The following ZCCHC14 variants were observed in gnomAD, a reference collection of about 807,000 sequenced individuals.
ZCCHC14 encodes zinc finger CCHC-type containing 14.
ZCCHC14 carries 16 observed loss-of-function variants against 85.0 expected under a neutral mutation model. The observed-to-expected ratio is 0.19, with a 90% CI of 0.13 to 0.29. ZCCHC14 has a LOEUF of 0.29. Ranked by LOEUF, ZCCHC14 falls within the 10% of genes least tolerant of loss-of-function variation. The probability of loss-of-function intolerance (pLI) is 1.00; values close to 1 mark genes in which losing one functional copy is unlikely to be tolerated. For missense variants in ZCCHC14, 1,303 were observed against 1,443.5 expected (o/e 0.90, Z 1.58); for synonymous variants, 775 against 630.7 (o/e 1.23, Z -3.43).
intron 2 of ZCCHC14, among the ~76,000 whole-genome samples, chr16:87,443,475 C>A (rs1567525087): frequency 6.6e-6 from 1 of 152,190 alleles, no homozygotes. Context: ...GGGGCTCACA[C>A]CTGTAATCCC....
rs1159400928 is a variant in ZCCHC14, at chr16:87,434,884, G to C, written c.695-1683C>G. ...CGGACACCTGTAATCCCAGCTACTC[G>C]GGAGGCTGAGGCAGGAGAATTGCTT... is the stretch of plus-strand genomic sequence containing the variant. On this transcript the variant is annotated intron_variant, in intron 2 of 12. Coordinates refer to ENST00000671377, the MANE Select transcript of ZCCHC14 (RefSeq NM_015144.3). Among the ~76,000 whole-genome samples, 9 of 151,072 alleles carry C rather than the reference G, an allele frequency of 6.0e-5. No homozygotes were observed. The East Asian group carries it at 1.4e-3, about 23-fold the overall frequency.
intron 1 of ZCCHC14, among the ~76,000 whole-genome samples, chr16:87,475,004 G>A (rs1357402150): frequency 6.6e-6 from 1 of 152,208 alleles, no homozygotes; most frequent in African/African-American, 2.4e-5. Context: ...ACGAAGTCCA[G>A]AGTTTCTACA....
chr16:87,432,363 G>C (rs537232634), intron 3 of ZCCHC14, among the ~76,000 whole-genome samples: 1 of 152,220 alleles, frequency 6.6e-6, no homozygotes, highest in African/African-American at 2.4e-5. Context: ...TAAGTGAAGT[G>C]TCTAGAGGCT....
rs368314545 is a variant in ZCCHC14 at position 87,423,855 on chromosome 16, T to C, written c.795A>G (p.Thr265=). Residue 265 remains threonine (T), a synonymous_variant, in exon 4 of 13, where the codon ACA becomes ACG. Transcript: ENST00000671377. ...CTTCAGAGGAAGATTTGGTTACTGA[T>C]GTTATTGAAGAATCAGACCACAAGA... ...FEVLWSDSSI[T]SVTKSSSEVT... is the part of the protein sequence containing the mutation. 9.3e-6 allele frequency: 15 copies of C among 1,614,170 alleles called. No homozygotes were observed. The highest frequency in any genetic ancestry group is 8.8e-5 in the South Asian group (8 of 91,074).
chr16:87,440,313 C>T (rs1379983596), intron 2 of ZCCHC14, among the ~76,000 whole-genome samples: 1 of 151,996 alleles, frequency 6.6e-6, no homozygotes, highest in Non-Finnish European at 1.5e-5. Context: ...TACAGGCGCA[C>T]ACCACCACGC....
chr16:87,447,664 C>G (rs577612487), intron 2 of ZCCHC14, among the ~76,000 whole-genome samples: 23 of 152,316 alleles, frequency 1.5e-4, no homozygotes, highest in African/African-American at 5.3e-4. Flanking sequence ...CTGCTATAAG[C>G]CTTCATCTCC....
rs1275282188 is a variant in ZCCHC14 at position 87,408,742 on chromosome 16, A to G, written c.*1538T>C. ...AAGTTAGGAACTGCTCTTCAAATTG[A>G]ACGCTCACATCACAAGGCCTCATTC... On this transcript the variant is annotated 3_prime_UTR_variant, in exon 13 of 13. Coordinates refer to ENST00000671377, the MANE Select transcript of ZCCHC14 (RefSeq NM_015144.3). 2 of 152,418 alleles carry G rather than the reference A, an allele frequency of 1.3e-5. No individual in the cohort carries two copies. The highest frequency in any genetic ancestry group is 2.9e-5 in the Non-Finnish European group (2 of 68,028). 9.4% of individuals were successfully genotyped at this position (152,418 alleles called of 1,614,324 possible).
At chr16:87,443,566 T>C (rs1055793693) in intron 2 of ZCCHC14, among the ~76,000 whole-genome samples, 3 of 151,842 alleles carry the variant, frequency 2.0e-5, no homozygotes, top group Non-Finnish European at 4.4e-5. Flanking sequence ...CGAGACCCCA[T>C]TTCTACTAAA....
chr16:87,464,388 C>A (rs568077824), intron 1 of ZCCHC14, among the ~76,000 whole-genome samples: 1 of 152,188 alleles, frequency 6.6e-6, no homozygotes, highest in East Asian at 1.9e-4. Context: ...TGCAGCTAGG[C>A]TAAGAACCAA....
In ZCCHC14 at chr16:87,491,533, T is replaced by C. The variant is rs1286814794; in HGVS notation, c.570+136A>G. ...ACGGGCTGGGGGCTCGTGGTGCAGGTTGGAGACCTGGGTGGGAGCTCTCAG... is the reference window on the plus strand; with the variant it reads ...ACGGGCTGGGGGCTCGTGGTGCAGGCTGGAGACCTGGGTGGGAGCTCTCAG... On this transcript the variant is annotated intron_variant, in intron 1 of 12. Transcript: ENST00000671377. The surrounding 1 kb of genome is among the most constrained non-coding windows in gnomAD (Gnocchi z 5.9). 11 of 730,322 alleles carry C rather than the reference T, an allele frequency of 1.5e-5. No individual in the cohort carries two copies. Among genetic ancestry groups the C allele is most frequent in the Admixed American group, 9.1e-5 (2 of 21,894 alleles). The allele number at this position is 730,322 out of a possible 1,614,324, so 45.2% of individuals were successfully genotyped here.
In ZCCHC14 at chr16:87,420,741, A is replaced by G; in HGVS notation, c.841-25T>C. 6.3e-7 allele frequency: 1 copy of G among 1,588,314 alleles called. No individual in the cohort carries two copies. Among genetic ancestry groups the G allele is most frequent in the Non-Finnish European group, 8.6e-7 (1 of 1,163,594 alleles). ...GCTGGAAGAGAGGACAAGGTAGAGG[A>G]GGTGTGTCCAGACCCATCCAACACC... On this transcript the variant is annotated intron_variant, in intron 4 of 12. Coordinates refer to ENST00000671377, the MANE Select transcript of ZCCHC14 (RefSeq NM_015144.3). This position sits in a 1 kb window ranked among gnomAD's most constrained non-coding sequence, Gnocchi z 5.0.
At chr16:87,488,082 C>A (rs1281526436) in intron 1 of ZCCHC14, among the ~76,000 whole-genome samples, 1 of 152,146 alleles carries the variant, frequency 6.6e-6, no homozygotes, top group African/African-American at 2.4e-5. Flanking sequence ...TACTAAAAAC[C>A]ACTGACTTCA....
intron 2 of ZCCHC14, among the ~76,000 whole-genome samples, chr16:87,448,764 T>C (rs977065734): frequency 6.6e-6 from 1 of 152,248 alleles, no homozygotes; most frequent in African/African-American, 2.4e-5. Context: ...TTTCCCTAAG[T>C]AGGATGCTTA....
At chr16:87,471,608 G>C (rs1911776435) in intron 1 of ZCCHC14, 2 of 152,298 alleles carry the variant, frequency 1.3e-5, no homozygotes, top group Admixed American at 1.3e-4. Flanking sequence ...GGGCTTCCAG[G>C]CCTCCAGGTG....
At chr16:87,450,821 GC>G (rs1426488966) in intron 2 of ZCCHC14, among the ~76,000 whole-genome samples, 1 of 152,102 alleles carries the variant, frequency 6.6e-6, no homozygotes, top group Non-Finnish European at 1.5e-5. Flanking sequence ...CTCCCAAAGT[GC>G]TGGGATTACA....
intron 1 of ZCCHC14, chr16:87,467,585 G>A (rs932651692): frequency 2.1e-6 from 3 of 1,440,264 alleles, no homozygotes; most frequent in South Asian, 2.3e-5. Context: ...CTGAAAATTG[G>A]AATAGGTGTC....
At chr16:87,425,377 G>C (rs1325933685) in intron 3 of ZCCHC14, among the ~76,000 whole-genome samples, 2 of 152,126 alleles carry the variant, frequency 1.3e-5, no homozygotes, top group African/African-American at 2.4e-5. Context: ...AGGAGTTCAA[G>C]ACCAGCCTGA....
intron 3 of ZCCHC14, among the ~76,000 whole-genome samples, chr16:87,425,839 C>T (rs926919152): frequency 6.6e-6 from 1 of 152,220 alleles, no homozygotes; most frequent in African/African-American, 2.4e-5. Context: ...GCTCTCACAC[C>T]TGCCTCTAGG....
intron 1 of ZCCHC14, among the ~76,000 whole-genome samples, chr16:87,488,950 A>G (rs1422522579): frequency 1.4e-5 from 2 of 138,064 alleles, no homozygotes; most frequent in Admixed American, 1.5e-4. Context: ...AGAAAAATAC[A>G]AAGTCTCTAA....
Sources: allele counts gnomAD v4.1 joint callset (sites outside exome capture counted in the v4.1 genomes callset), GRCh38; gene constraint gnomAD v4.1.1; non-coding constraint Gnocchi (gnomAD v3.1); transcripts MANE v1.5; gene names NCBI Gene and HGNC (gene_info 2026-07-23, HGNC 2026-07-21).